Variants in SMAD2 observed in about 807,000 individuals in gnomAD.
SMAD2 encodes SMAD family member 2.
SMAD2 carries 8 observed loss-of-function variants against 64.4 expected under a neutral mutation model. The observed-to-expected ratio is 0.12, with a 90% CI of 0.07 to 0.22. SMAD2 has a LOEUF of 0.22. SMAD2 is among the 10% of genes least tolerant of loss of function. SMAD2 has a pLI of 1.00. For missense variants in SMAD2, 289 were observed against 561.2 expected, an observed-to-expected ratio of 0.51 and a Z score of 4.90; for synonymous variants, 203 against 195.8, an observed-to-expected ratio of 1.04 and a Z score of -0.31.
intron 1 of SMAD2, among the ~76,000 whole-genome samples, chr18:47,916,683 C>A (rs1239157876): frequency 2.0e-5 from 3 of 152,138 alleles, no homozygotes; most frequent in Non-Finnish European, 4.4e-5. Context: ...GCCACCATGC[C>A]CCGCCTGGTA....
At chr18:47,863,166 G>A (rs1204850185) in intron 6 of SMAD2, among the ~76,000 whole-genome samples, 2 of 152,136 alleles carry the variant, frequency 1.3e-5, no homozygotes, top group Non-Finnish European at 2.9e-5. Context: ...TAGAGAGGTG[G>A]CCAACTTTGT....
At chr18:47,926,299 G>C (rs1026342002) in intron 1 of SMAD2, among the ~76,000 whole-genome samples, 4 of 152,124 alleles carry the variant, frequency 2.6e-5, no homozygotes, top group African/African-American at 9.7e-5. Flanking sequence ...GTAGATTATT[G>C]CACTCTTAAA....
intron 1 of SMAD2, among the ~76,000 whole-genome samples, chr18:47,915,755 C>T (rs772304749): frequency 2.0e-5 from 3 of 152,190 alleles, no homozygotes; most frequent in African/African-American, 4.8e-5. Flanking sequence ...TAACCACAAT[C>T]CCCAAAAAAA....
rs573782302 is a variant in SMAD2 at position 47,833,933 on chromosome 18, T to C, written c.*7894A>G. 7.4e-4 allele frequency: 168 copies of C among 225,578 alleles called. No individual in the cohort carries two copies. The highest frequency in any genetic ancestry group is 1.1e-3 in the Non-Finnish European group (130 of 113,498). The allele number at this position is 225,578 out of a possible 1,614,324, so 14.0% of individuals were successfully genotyped here. A position where few individuals can be genotyped will look rare whatever the true frequency, so the allele number is the denominator to read the frequency against. On this transcript the variant is annotated 3_prime_UTR_variant, in exon 11 of 11. Coordinates refer to ENST00000262160, the MANE Select transcript of SMAD2 (RefSeq NM_005901.6). Reference sequence around the variant, plus strand: ...TAAGGACGCATGATTTGTACTTACATATACACATAGGTTCAGAAGAACTTA... The same window carrying C: ...TAAGGACGCATGATTTGTACTTACACATACACATAGGTTCAGAAGAACTTA...
chr18:47,839,616 TAGTG>T lies in SMAD2; in HGVS notation c.*2207_*2210del, dbSNP rs1913752240. 4.3e-6 allele frequency: 1 copy of T among 233,368 alleles called. No individual in the cohort carries two copies. The highest frequency in any genetic ancestry group is 8.5e-6 in the Non-Finnish European group (1 of 118,012). The allele number at this position is 233,368 out of a possible 1,614,324, so 14.5% of individuals were successfully genotyped here. On this transcript the variant is annotated 3_prime_UTR_variant, in exon 11 of 11. Transcript: ENST00000262160. Reference sequence around the variant, plus strand: ...GCAAAGGTTGAGGAAGGAGATATGTTAGTGAGAATCACATGAAGCAGACTATCAC... The same window carrying T: ...GCAAAGGTTGAGGAAGGAGATATGTTAGAATCACATGAAGCAGACTATCAC...
At chr18:47,883,580 G>C (rs16958585) in intron 2 of SMAD2, among the ~76,000 whole-genome samples, 2,609 of 152,162 alleles carry the variant, frequency 0.017, 65 homozygotes, top group African/African-American at 0.059. Flanking sequence ...TCCAATTGTG[G>C]ATTTGTGATT....
intron 6 of SMAD2, among the ~76,000 whole-genome samples, chr18:47,862,219 C>G (rs1418350270): frequency 2.6e-5 from 4 of 152,104 alleles, no homozygotes; most frequent in Non-Finnish European, 5.9e-5. Context: ...ATATAACTTA[C>G]AAATAATTAA....
chr18:47,856,566 T>C (rs1214413909), intron 6 of SMAD2, among the ~76,000 whole-genome samples: 1 of 152,172 alleles, frequency 6.6e-6, no homozygotes, highest in South Asian at 2.1e-4. Context: ...AACCCAAATA[T>C]GATCACTAGT....
intron 6 of SMAD2, chr18:47,853,527 A>AG (rs1438179693): frequency 1.1e-5 from 2 of 188,936 alleles, no homozygotes; most frequent in Non-Finnish European, 1.1e-5. Flanking sequence ...CTGTCTCGAG[A>AG]GGGAAAAAAA....
Position 47,836,424 on chromosome 18 carries a change from A to C in SMAD2, c.*5403T>G, listed in dbSNP as rs1913418903. The C allele has an allele frequency of 4.5e-6, 1 of 221,020 alleles. No homozygotes were observed. Among genetic ancestry groups the C allele is most frequent in the African/African-American group, 2.2e-5 (1 of 44,680 alleles). 13.7% of individuals were successfully genotyped at this position (221,020 alleles called of 1,614,324 possible). Reference sequence around the variant, plus strand: ...TTCTTAGTTACCAAGTTGCCAAAAAATGGTATATTAAATGAACTGCCAAAT... The same window carrying C: ...TTCTTAGTTACCAAGTTGCCAAAAACTGGTATATTAAATGAACTGCCAAAT... On this transcript the variant is annotated 3_prime_UTR_variant, in exon 11 of 11. Coordinates refer to ENST00000262160, the MANE Select transcript of SMAD2 (RefSeq NM_005901.6).
chr18:47,920,968 A>C (rs1347752073), intron 1 of SMAD2, among the ~76,000 whole-genome samples: 1 of 152,222 alleles, frequency 6.6e-6, no homozygotes, highest in Admixed American at 6.5e-5. Context: ...AAATCTAGGC[A>C]ACATGGCGAA....
intron 2 of SMAD2, among the ~76,000 whole-genome samples, chr18:47,885,491 A>G (rs1476963135): frequency 6.6e-6 from 1 of 152,178 alleles, no homozygotes; most frequent in Non-Finnish European, 1.5e-5. Context: ...TTTAACAATT[A>G]AAAAGAAAAA....
At chr18:47,913,648 T>C (rs184353819) in intron 1 of SMAD2, among the ~76,000 whole-genome samples, 56 of 152,316 alleles carry the variant, frequency 3.7e-4, no homozygotes, top group African/African-American at 1.3e-3. Flanking sequence ...GAAGTGTAAA[T>C]AGACTGAATG....
chr18:47,835,072 T>C lies in SMAD2; in HGVS notation c.*6755A>G. Reference sequence around the variant, plus strand: ...ATCTAGTTCAACAACTGCAGAACTGTTCTCATCTTAATCGCTGTAGTTTTT... The same window carrying C: ...ATCTAGTTCAACAACTGCAGAACTGCTCTCATCTTAATCGCTGTAGTTTTT... On this transcript the variant is annotated 3_prime_UTR_variant, in exon 11 of 11. Coordinates refer to ENST00000262160, the MANE Select transcript of SMAD2 (RefSeq NM_005901.6). 4.6e-6 allele frequency: 1 copy of C among 219,390 alleles called. No homozygotes were observed. Among genetic ancestry groups the C allele is most frequent in the East Asian group, 6.7e-5 (1 of 15,036 alleles). The allele number at this position is 219,390 out of a possible 1,614,324, so 13.6% of individuals were successfully genotyped here. A position where few individuals can be genotyped will look rare whatever the true frequency, so the allele number is the denominator to read the frequency against.
At chr18:47,870,773 A>G (rs889799513) in intron 2 of SMAD2, among the ~76,000 whole-genome samples, 2 of 152,186 alleles carry the variant, frequency 1.3e-5, no homozygotes, top group Non-Finnish European at 2.9e-5. Context: ...ACTCCAGATA[A>G]GTCATGATTA....
chr18:47,923,270 A>G (rs1220801597), intron 1 of SMAD2, among the ~76,000 whole-genome samples: 2 of 152,082 alleles, frequency 1.3e-5, no homozygotes, highest in East Asian at 3.9e-4. Context: ...ATTGCTCTTC[A>G]AATTCCCAAA....
chr18:47,910,238 G>C (rs546267596), intron 1 of SMAD2, among the ~76,000 whole-genome samples: 1 of 151,782 alleles, frequency 6.6e-6, no homozygotes, highest in South Asian at 2.1e-4. Context: ...AAATTCAAGG[G>C]CTAACAGACT....
At chr18:47,906,991 A>G (rs1261062483) in intron 1 of SMAD2, among the ~76,000 whole-genome samples, 3 of 152,202 alleles carry the variant, frequency 2.0e-5, no homozygotes, top group African/African-American at 7.2e-5. Context: ...CTCTCTTGCC[A>G]TATAAAACAA....
rs1368178248 is a variant in SMAD2, at chr18:47,834,194, G to A, written c.*7633C>T. On this transcript the variant is annotated 3_prime_UTR_variant, in exon 11 of 11. Transcript: ENST00000262160. Reference sequence around the variant, plus strand: ...AACTATGACAACATAGGGAAGTAAGGATAAATCACAAGAACACCTAAGGTG... The same window carrying A: ...AACTATGACAACATAGGGAAGTAAGAATAAATCACAAGAACACCTAAGGTG... 1.4e-5 allele frequency: 3 copies of A among 212,112 alleles called. No individual in the cohort carries two copies. The highest frequency in any genetic ancestry group is 2.9e-5 in the Non-Finnish European group (3 of 104,838). 13.1% of individuals were successfully genotyped at this position (212,112 alleles called of 1,614,324 possible). A position where few individuals can be genotyped will look rare whatever the true frequency, so the allele number is the denominator to read the frequency against.
Sources: gnomAD v4.1 joint callset for allele counts (sites outside exome capture counted in the v4.1 genomes callset) on GRCh38, gnomAD v4.1.1 for gene constraint, MANE v1.5 for transcripts, NCBI Gene and HGNC (gene_info 2026-07-23, HGNC 2026-07-21) for gene names.